Variants in ANKHD1 observed in about 807,000 individuals in gnomAD.
ANKHD1 encodes the protein ankyrin repeat and KH domain containing 1.
ANKHD1 carries 31 observed loss-of-function variants against 230.5 expected under a neutral mutation model. That is an observed-to-expected ratio of 0.13 (90% confidence interval 0.10 to 0.18). ANKHD1 has a LOEUF of 0.18. Among genes scored for constraint, ANKHD1 ranks in the 10% least tolerant of loss-of-function variants. The pLI, the probability that ANKHD1 is intolerant of heterozygous loss-of-function variation, is 1.00. For synonymous variants in ANKHD1, 1,074 were observed against 1,117.6 expected, an observed-to-expected ratio of 0.96 and a Z score of 0.78; for missense variants, 2,256 against 3,071.3, an observed-to-expected ratio of 0.73 and a Z score of 6.27.
chr5:140,451,741 C>T (rs1478611918), intron 7 of ANKHD1, among the ~76,000 whole-genome samples: 3 of 152,140 alleles, frequency 2.0e-5, no homozygotes, highest in Non-Finnish European at 4.4e-5. Flanking sequence ...CATCTGGGCT[C>T]AAGCTATCTG....
intron 20 of ANKHD1, among the ~76,000 whole-genome samples, chr5:140,509,070 G>C (rs1023041903): frequency 7.9e-5 from 12 of 152,108 alleles, no homozygotes; most frequent in Admixed American, 2.0e-4. Flanking sequence ...TTTAATCTAA[G>C]TAATGAGGAA....
At chr5:140,532,278 G>C (rs1192582403) in intron 29 of ANKHD1, among the ~76,000 whole-genome samples, 1 of 151,056 alleles carries the variant, frequency 6.6e-6, no homozygotes. Context: ...TTTACTAAAT[G>C]AAAGAAGCCA....
chr5:140,416,714 G>A (rs1314965853), intron 1 of ANKHD1, among the ~76,000 whole-genome samples: 1 of 151,756 alleles, frequency 6.6e-6, no homozygotes, highest in Non-Finnish European at 1.5e-5. Context: ...CAAACTCCTG[G>A]CCTCAAGTGA....
rs769795512 is a variant in ANKHD1 at position 140,496,538 on chromosome 5, C to T, written c.2264C>T (p.Ser755Phe). 6.4e-7 allele frequency: 1 copy of T among 1,562,740 alleles called. No individual in the cohort carries two copies. ...TGCTTAGGTACATCCAAGCAGAAGT[C>T]CAGTTCCCTCCAGGTAGCAGATCAG... is the stretch of plus-strand genomic sequence containing the variant. ...GVQKGTSKQKSSSLQVADQDL... is the reference protein window; with the variant it reads ...GVQKGTSKQKFSSLQVADQDL... Residue 755 changes from serine to phenylalanine, a missense_variant, in exon 15 of 34, where the codon TCC (serine) becomes TTC (phenylalanine). Transcript: ENST00000360839.
chr5:140,458,075 A>G lies in ANKHD1; in HGVS notation c.1243-550A>G, dbSNP rs145366400. Among the ~76,000 whole-genome samples the G allele has an allele frequency of 3.8e-3, 573 of 152,322 alleles. 7 individuals carry two copies. The highest frequency in any genetic ancestry group is 0.013 in the African/African-American group (559 of 41,576). On this transcript the variant is annotated intron_variant, in intron 7 of 33. Transcript: ENST00000360839. ...TTGCAACAAGGTGTTGTGATTAGGAAAAATATAGGATGGTGTCAATCCAGA... is the reference window on the plus strand; with the variant it reads ...TTGCAACAAGGTGTTGTGATTAGGAGAAATATAGGATGGTGTCAATCCAGA...
chr5:140,523,174 A>G (rs1230202268), intron 24 of ANKHD1, among the ~76,000 whole-genome samples: 1 of 138,156 alleles, frequency 7.2e-6, no homozygotes, highest in African/African-American at 2.8e-5. Context: ...GTGCAGTGAC[A>G]TGATTATAGC....
intron 1 of ANKHD1, among the ~76,000 whole-genome samples, chr5:140,433,676 C>T (rs1250883873): frequency 2.0e-5 from 3 of 151,750 alleles, no homozygotes; most frequent in Admixed American, 6.6e-5. Context: ...ATCTCAAATG[C>T]GCCTTTAGTA....
intron 1 of ANKHD1, among the ~76,000 whole-genome samples, chr5:140,416,652 A>T (rs1004788470): frequency 5.9e-5 from 9 of 151,644 alleles, no homozygotes; most frequent in East Asian, 1.9e-4. Context: ...TCTTTTTTTT[A>T]ATTTTAATTT....
chr5:140,465,063 A>G, intron 10 of ANKHD1: 1 of 188,388 alleles, frequency 5.3e-6, no homozygotes, highest in Non-Finnish European at 1.1e-5. Flanking sequence ...TCTGTTAGAT[A>G]TATCATAAAT....
chr5:140,512,569 A>G (rs1752818987), intron 22 of ANKHD1, among the ~76,000 whole-genome samples: 1 of 152,196 alleles, frequency 6.6e-6, no homozygotes. Flanking sequence ...TGTCTAGTCC[A>G]CCATCCATTC....
chr5:140,528,999 T>G lies in ANKHD1; in HGVS notation c.6053T>G (p.Met2018Arg). ...TSQAQLSSQK[M>R]ESFSAVPPTK... ...CAAGCACAGCTTTCTTCACAAAAGA[T>G]GGAGTCTTTCTCTGCTGTGCCACCC... is the stretch of plus-strand genomic sequence containing the variant. The change falls in exon 29 of 34, where the codon ATG (methionine) becomes AGG (arginine). Residue 2018 changes from methionine to arginine, a missense_variant. This residue lies in a region of ANKHD1 where 778 missense variants were observed against 966.5 expected (regional missense o/e 0.80). Transcript: ENST00000360839. The G allele has an allele frequency of 6.2e-7, 1 of 1,614,176 alleles. No individual in the cohort carries two copies. The highest frequency in any genetic ancestry group is 8.5e-7 in the Non-Finnish European group (1 of 1,180,034).
rs373051603 is a variant in ANKHD1 at position 140,433,658 on chromosome 5, A to T, written c.307-2446A>T. Among the ~76,000 whole-genome samples the T allele has an allele frequency of 3.7e-4, 56 of 152,240 alleles. 1 individual carries two copies. The South Asian group carries it at 0.011, about 30-fold the overall frequency. On this transcript the variant is annotated intron_variant, in intron 1 of 33. Coordinates refer to ENST00000360839, the MANE Select transcript of ANKHD1 (RefSeq NM_017747.3). ...TTTGTATTATCATAGTGAGAGAGAG[A>T]TATATATATCTCAAATGCGCCTTTA...
Position 140,445,798 on chromosome 5 carries a change from C to G in ANKHD1, c.970C>G (p.Leu324Val), listed in dbSNP as rs1774237471. The change falls in exon 6 of 34, where the codon CTC (leucine) becomes GTC (valine). Residue 324 changes from leucine to valine, a missense_variant. By Grantham distance (32) the Leu-to-Val change is conservative. Transcript: ENST00000360839. ...AGGATTTGTTGACATTGTTAAAGTG[C>G]TCCTTAATGAAGGTGCAAATATAGA... Reference protein sequence around the residue: ...AGGFVDIVKVLLNEGANIEDH... With the variant: ...AGGFVDIVKVVLNEGANIEDH... 1 of 1,612,824 alleles carries G rather than the reference C, an allele frequency of 6.2e-7. No individual in the cohort carries two copies. Among genetic ancestry groups the G allele is most frequent in the Non-Finnish European group, 8.5e-7 (1 of 1,179,402 alleles).
intron 1 of ANKHD1, among the ~76,000 whole-genome samples, chr5:140,418,198 T>TA (rs1771571206): frequency 6.7e-6 from 1 of 150,314 alleles, no homozygotes; most frequent in South Asian, 2.1e-4. Context: ...AACCTGGAGT[T>TA]AAGAGTGGCA....
chr5:140,479,973 T>C (rs1169902604), intron 10 of ANKHD1, among the ~76,000 whole-genome samples: 1 of 151,290 alleles, frequency 6.6e-6, no homozygotes, highest in South Asian at 2.1e-4. Flanking sequence ...TATATAGATA[T>C]ATTATTATTT....
At position 140,539,429 on chromosome 5, in the gene ANKHD1, CT is replaced by C; in HGVS notation, c.*14del. 6.2e-7 allele frequency: 1 copy of C among 1,612,846 alleles called. No homozygotes were observed. The highest frequency in any genetic ancestry group is 8.5e-7 in the Non-Finnish European group (1 of 1,179,336). ...AAATATGTCAACTAAGTTAGAAGGTCTTTACTCTTTAGCCTTGTTTAAGAAA... is the reference window on the plus strand; with the variant it reads ...AAATATGTCAACTAAGTTAGAAGGTCTTACTCTTTAGCCTTGTTTAAGAAA... On this transcript the variant is annotated 3_prime_UTR_variant, in exon 34 of 34. Transcript: ENST00000360839.
intron 1 of ANKHD1, among the ~76,000 whole-genome samples, chr5:140,428,720 A>G (rs1452888835): frequency 6.6e-6 from 1 of 152,154 alleles, no homozygotes; most frequent in African/African-American, 2.4e-5. Flanking sequence ...GAAATTCATG[A>G]GAGTGGTGAT....
At chr5:140,518,380 T>C (rs1281728054) in intron 24 of ANKHD1, among the ~76,000 whole-genome samples, 1 of 152,072 alleles carries the variant, frequency 6.6e-6, no homozygotes, top group African/African-American at 2.4e-5. Flanking sequence ...CTGGTACCAT[T>C]CCTTCTGAAA....
intron 29 of ANKHD1, chr5:140,532,766 G>A: frequency 2.4e-6 from 1 of 409,938 alleles, no homozygotes; most frequent in Non-Finnish European, 4.8e-6. Context: ...GTACATTTAT[G>A]TGGCATCTAC....
Sources: gnomAD v4.1 joint callset for allele counts (sites outside exome capture counted in the v4.1 genomes callset) on GRCh38, gnomAD v4.1.1 for gene constraint, gnomAD v4.1.1 regional missense constraint, MANE v1.5 for transcripts, NCBI Gene and HGNC (gene_info 2026-07-23, HGNC 2026-07-21) for gene names.